The following ZFPM2 variants were observed in gnomAD, a reference collection of about 807,000 sequenced individuals.
The protein encoded by ZFPM2 is zinc finger protein, FOG family member 2, also known as zinc finger protein ZFPM2.
In ZFPM2, 20 loss-of-function variants were observed where a neutral mutation model predicts 98.6. The ratio of observed to expected loss-of-function variants is 0.20; its 90% CI spans 0.14 to 0.29. The LOEUF is 0.29. Among genes scored for constraint, ZFPM2 ranks in the 10% least tolerant of loss-of-function variants. The pLI, the probability that ZFPM2 is intolerant of heterozygous loss-of-function variation, is 1.00. For synonymous variants in ZFPM2, 518 were observed against 502.7 expected (o/e 1.03, Z -0.41); for missense variants, 1,310 against 1,388.6 (o/e 0.94, Z 0.90).
At chr8:105,389,653 A>C (rs952419821) in intron 1 of ZFPM2, among the ~76,000 whole-genome samples, 2 of 152,224 alleles carry the variant, frequency 1.3e-5, no homozygotes, top group East Asian at 3.8e-4. Flanking sequence ...TAGAATTTCA[A>C]CCCAGCTCTG....
chr8:105,803,111 C>G lies in ZFPM2; in HGVS notation c.3029C>G (p.Ala1010Gly), dbSNP rs774897900. ...ACTGACATCGAGCAAAGCAGAAATG[C>G]AGAAAATGAATCTCCTAAAGGCCAG... The part of the protein sequence containing the change: ...HNTDIEQSRN[A>G]ENESPKGQAS... The change falls in exon 8 of 8, where the codon GCA (alanine) becomes GGA (glycine). Residue 1010 changes from alanine (A) to glycine (G), a missense_variant. Physicochemically the swap from Ala to Gly is moderately conservative, Grantham distance 60. Coordinates refer to ENST00000407775, the MANE Select transcript of ZFPM2 (RefSeq NM_012082.4). 1 of 1,613,880 alleles carries G rather than the reference C, an allele frequency of 6.2e-7. No homozygotes were observed. The highest frequency in any genetic ancestry group is 1.1e-5 in the South Asian group (1 of 91,082).
chr8:105,572,528 C>T (rs542257814), intron 4 of ZFPM2, among the ~76,000 whole-genome samples: 15 of 151,708 alleles, frequency 9.9e-5, no homozygotes, highest in African/African-American at 2.4e-4. Flanking sequence ...AGTGCAGTGG[C>T]GTGATCTCAG....
intron 5 of ZFPM2, among the ~76,000 whole-genome samples, chr8:105,748,842 A>T (rs1206763862): frequency 1.3e-5 from 2 of 152,086 alleles, no homozygotes; most frequent in African/African-American, 4.8e-5. Context: ...GGAAAAAAAT[A>T]AAAAGAATTG....
At chr8:105,601,773 G>T (rs1816097177) in intron 4 of ZFPM2, among the ~76,000 whole-genome samples, 1 of 152,044 alleles carries the variant, frequency 6.6e-6, no homozygotes, top group Admixed American at 6.6e-5. Flanking sequence ...TTTCATGGGG[G>T]CACGGGCATT....
intron 3 of ZFPM2, among the ~76,000 whole-genome samples, chr8:105,490,939 T>C (rs1401241677): frequency 1.3e-5 from 2 of 152,164 alleles, no homozygotes; most frequent in Non-Finnish European, 2.9e-5. Context: ...AATTTTACTA[T>C]TGAAATAAAA....
At chr8:105,618,599 G>A (rs1816467529) in intron 4 of ZFPM2, among the ~76,000 whole-genome samples, 2 of 152,092 alleles carry the variant, frequency 1.3e-5, no homozygotes, top group South Asian at 4.1e-4. Context: ...CTAGAAACAA[G>A]CATTTGCTTA....
chr8:105,626,139 G>C (rs1027126047), intron 4 of ZFPM2, among the ~76,000 whole-genome samples: 1 of 152,026 alleles, frequency 6.6e-6, no homozygotes, highest in South Asian at 2.1e-4. Context: ...TATTTTGTTG[G>C]GTGGAACTTA....
At chr8:105,354,706 C>T (rs1043453519) in intron 1 of ZFPM2, among the ~76,000 whole-genome samples, 3 of 152,142 alleles carry the variant, frequency 2.0e-5, no homozygotes, top group Non-Finnish European at 2.9e-5. Flanking sequence ...GAGTTTTGAA[C>T]ATTGTATGTA....
chr8:105,534,602 A>G (rs903676370), intron 3 of ZFPM2, among the ~76,000 whole-genome samples: 3 of 152,086 alleles, frequency 2.0e-5, no homozygotes, highest in African/African-American at 7.2e-5. Flanking sequence ...ATAAAGATTA[A>G]TAGGAGTTAA....
chr8:105,539,103 C>T (rs1257472873), intron 3 of ZFPM2, among the ~76,000 whole-genome samples: 2 of 152,086 alleles, frequency 1.3e-5, no homozygotes, highest in African/African-American at 4.8e-5. Flanking sequence ...GCCTCTTGCC[C>T]CTTTTGTTTC....
At chr8:105,688,868 T>C (rs1415827731) in intron 5 of ZFPM2, among the ~76,000 whole-genome samples, 1 of 152,140 alleles carries the variant, frequency 6.6e-6, no homozygotes, top group African/African-American at 2.4e-5. Flanking sequence ...TACTCAGAAA[T>C]ATTGTATTAA....
intron 4 of ZFPM2, among the ~76,000 whole-genome samples, chr8:105,626,744 G>A (rs1816662953): frequency 6.6e-6 from 1 of 152,130 alleles, no homozygotes; most frequent in South Asian, 2.1e-4. Context: ...ATTTTTAAAA[G>A]AGCAGTATTT....
chr8:105,528,454 G>A (rs1253427884), intron 3 of ZFPM2, among the ~76,000 whole-genome samples: 1 of 152,060 alleles, frequency 6.6e-6, no homozygotes, highest in Non-Finnish European at 1.5e-5. Context: ...AAGCATTTCA[G>A]CATTTTATAC....
At chr8:105,477,563 G>T (rs1266704691) in intron 3 of ZFPM2, among the ~76,000 whole-genome samples, 1 of 151,946 alleles carries the variant, frequency 6.6e-6, no homozygotes, top group East Asian at 1.9e-4. Context: ...CATATGGGCA[G>T]GTATTTTAAA....
chr8:105,589,214 TATGAC>T (rs1445865971), intron 4 of ZFPM2, among the ~76,000 whole-genome samples: 1 of 152,208 alleles, frequency 6.6e-6, no homozygotes, highest in Non-Finnish European at 1.5e-5. Flanking sequence ...CCATTAAAGT[TATGAC>T]AGACTGTCAT....
chr8:105,598,986 T>C (rs1191137103), intron 4 of ZFPM2, among the ~76,000 whole-genome samples: 4 of 152,174 alleles, frequency 2.6e-5, no homozygotes, highest in Non-Finnish European at 4.4e-5. Context: ...AATGAGTCTA[T>C]TCCTAAATCA....
At chr8:105,369,246 A>G (rs1455056203) in intron 1 of ZFPM2, among the ~76,000 whole-genome samples, 1 of 152,142 alleles carries the variant, frequency 6.6e-6, no homozygotes, top group African/African-American at 2.4e-5. Context: ...TCTGTTTGAA[A>G]TTGAAGACAA....
At chr8:105,767,935 G>T (rs933075766) in intron 5 of ZFPM2, among the ~76,000 whole-genome samples, 1 of 151,868 alleles carries the variant, frequency 6.6e-6, no homozygotes, top group African/African-American at 2.4e-5. Flanking sequence ...AGTGAAGGAG[G>T]CTGTTATTTA....
At chr8:105,446,740 A>T (rs1288089982) in intron 3 of ZFPM2, among the ~76,000 whole-genome samples, 2 of 142,740 alleles carry the variant, frequency 1.4e-5, no homozygotes, top group Non-Finnish European at 3.3e-5. Flanking sequence ...GTATGGCTAC[A>T]AAAAAATTTC....
Sources: gnomAD v4.1 joint callset for allele counts (sites outside exome capture counted in the v4.1 genomes callset) on GRCh38, gnomAD v4.1.1 for gene constraint, MANE v1.5 for transcripts, NCBI Gene and HGNC (gene_info 2026-07-23, HGNC 2026-07-21) for gene names.